Variants in L3MBTL1 observed in about 807,000 individuals in gnomAD.
The protein encoded by L3MBTL1 is L3MBTL histone methyl-lysine binding protein 1.
A neutral mutation model predicts 105.3 loss-of-function variants in L3MBTL1; 75 were observed. The ratio of observed to expected loss-of-function variants is 0.71; its 90% CI spans 0.59 to 0.86. The LOEUF is 0.86. L3MBTL1 is among the 40% of genes least tolerant of loss of function. The probability of loss-of-function intolerance (pLI) is 0.00; values close to 1 mark genes in which losing one functional copy is unlikely to be tolerated. For missense variants in L3MBTL1, 1,069 were observed against 1,126.4 expected, an observed-to-expected ratio of 0.95 and a Z score of 0.73; for synonymous variants, 452 against 436.2, an observed-to-expected ratio of 1.04 and a Z score of -0.45.
chr20:43,522,287 G>A (rs982892526), intron 7 of L3MBTL1, among the ~76,000 whole-genome samples: 4 of 151,886 alleles, frequency 2.6e-5, no homozygotes, highest in African/African-American at 4.8e-5. Flanking sequence ...CCCGTGAACC[G>A]GAGGTTGCAG....
In L3MBTL1 at chr20:43,508,803, T is replaced by TAGTC. The variant is rs2018054668; in HGVS notation, c.-29+1060_-29+1063dup. ...GGAAGAAGAAGCTGAACTGCTGATG[T>TAGTC]AGTCTCAACAGAGGCCTCAGCCTGA... On this transcript the variant is annotated intron_variant, in intron 1 of 21. Coordinates refer to ENST00000418998, the MANE Select transcript of L3MBTL1 (RefSeq NM_001377303.1). 3.3e-5 allele frequency among the ~76,000 whole-genome samples: 5 copies of TAGTC among 152,368 alleles called. No homozygotes were observed. The South Asian group carries it at 1.0e-3, about 32-fold the overall frequency.
Position 43,513,641 on chromosome 20 carries a change from T to TGA in L3MBTL1, c.136+4_136+5dup. 6.4e-7 allele frequency: 1 copy of TGA among 1,550,440 alleles called. No individual in the cohort carries two copies. On this transcript the variant is annotated splice_region_variant and intron_variant, in intron 2 of 21. Transcript: ENST00000418998. ...CCGCAACTGCCTTCATCATTCCAGG[T>TGA]GAGTCAAGCTAGGGTAGGAGTCTGG...
intron 7 of L3MBTL1, chr20:43,523,317 C>T: frequency 4.6e-6 from 1 of 216,072 alleles, no homozygotes; most frequent in South Asian, 8.0e-5. Flanking sequence ...TGCAATTAAA[C>T]CTGGAGACAT....
rs1568926164 is a variant in L3MBTL1 at position 43,534,267 on chromosome 20, AGCT to A, written c.1600-15_1600-13del. ...CTGAGCTGCGCCTTGCCCTGAAGGC[AGCT>A]GTCCCCTCTGCAGCGACCCCCTCAC... On this transcript the variant is annotated splice_polypyrimidine_tract_variant and intron_variant, in intron 14 of 21. Coordinates refer to ENST00000418998, the MANE Select transcript of L3MBTL1 (RefSeq NM_001377303.1). 3.1e-6 allele frequency: 5 copies of A among 1,610,424 alleles called. No homozygotes were observed. Among genetic ancestry groups the A allele is most frequent in the Non-Finnish European group, 4.2e-6 (5 of 1,177,706 alleles).
intron 7 of L3MBTL1, among the ~76,000 whole-genome samples, chr20:43,517,855 T>A (rs2018481984): frequency 6.6e-6 from 1 of 152,224 alleles, no homozygotes; most frequent in South Asian, 2.1e-4. Flanking sequence ...TTTATAGTGC[T>A]TCTTCCAACT....
chr20:43,544,003 A>G (rs1383854941), downstream of L3MBTL1, among the ~76,000 whole-genome samples: 1 of 152,222 alleles, frequency 6.6e-6, no homozygotes, highest in Non-Finnish European at 1.5e-5. Flanking sequence ...TAGGGGAGAC[A>G]GAATTGTAAG....
At chr20:43,530,964 C>A (rs1023746316) in intron 11 of L3MBTL1, 75 bp downstream of exon 11, 69 of 1,233,442 alleles carry the variant, frequency 5.6e-5, no homozygotes, top group Non-Finnish European at 7.6e-5. Context: ...GGGTATCTGA[C>A]TCATCAGAAG....
At chr20:43,537,388 C>T (rs1201385787) in intron 19 of L3MBTL1, among the ~76,000 whole-genome samples, 1 of 152,218 alleles carries the variant, frequency 6.6e-6, no homozygotes, top group Non-Finnish European at 1.5e-5. Flanking sequence ...CATGGTCTTT[C>T]TTCTGTGCAC....
intron 19 of L3MBTL1, 190 bp from the exon 20 acceptor site, chr20:43,539,961 C>G: frequency 3.0e-6 from 2 of 669,220 alleles, no homozygotes; most frequent in Middle Eastern, 3.5e-4. Flanking sequence ...GTCACTTTAC[C>G]AGCAGGAGTG....
chr20:43,523,665 T>G (rs908263699), intron 7 of L3MBTL1: 1 of 179,354 alleles, frequency 5.6e-6, no homozygotes, highest in Admixed American at 5.7e-5. Context: ...GTCAACAAGA[T>G]CTCCTTATCC....
intron 7 of L3MBTL1, among the ~76,000 whole-genome samples, chr20:43,516,492 G>T (rs879792247): frequency 5.3e-5 from 8 of 152,166 alleles, no homozygotes; most frequent in Admixed American, 5.2e-4. Context: ...ACATGTCATT[G>T]CTTCTCTTTA....
chr20:43,535,860 TC>T lies in L3MBTL1; in HGVS notation c.1853del (p.Pro618LeufsTer61). ...PLGPREPSSA[S>X]PGGCPPLSYR... ...AGGACCCAGAGAGCCCAGCTCTGCC[TC>T]CCCTGGGGGCTGTCCCCCTCTCAGC... On this transcript the variant is annotated frameshift_variant, in exon 17 of 22. Transcript: ENST00000418998. LOFTEE classifies it high-confidence loss of function. The T allele has an allele frequency of 6.2e-7, 1 of 1,603,020 alleles. No individual in the cohort carries two copies. Among genetic ancestry groups the T allele is most frequent in the Non-Finnish European group, 8.5e-7 (1 of 1,175,192 alleles).
At chr20:43,509,292 A>G (rs901267306) in intron 1 of L3MBTL1, among the ~76,000 whole-genome samples, 1 of 150,652 alleles carries the variant, frequency 6.6e-6, no homozygotes, top group East Asian at 1.9e-4. Flanking sequence ...TGGTGTGATC[A>G]TAGCTCACTG....
chr20:43,529,444 A>G (rs2019212637), intron 9 of L3MBTL1, 76 bp downstream of exon 9: 2 of 982,140 alleles, frequency 2.0e-6, no homozygotes, highest in Non-Finnish European at 3.2e-6. Flanking sequence ...GGGACATAGA[A>G]GGAAACACCT....
Position 43,523,073 on chromosome 20 carries a change from C to CTCCA in L3MBTL1, c.863-5583_863-5580dup, listed in dbSNP as rs887281785. Among the ~76,000 whole-genome samples, 293 of 151,998 alleles carry CTCCA rather than the reference C, an allele frequency of 1.9e-3. 2 individuals carry two copies. The highest frequency in any genetic ancestry group is 7.0e-3 in the African/African-American group (290 of 41,442). The stretch of plus-strand genomic sequence containing the variant: ...CAGTGAGCCGAGATCCGCCACTGCA[C>CTCCA]TCCAGCCTGGGTGACAGAGTGAGAC... On this transcript the variant is annotated intron_variant, in intron 7 of 21. Transcript: ENST00000418998.
At chr20:43,535,791 C>G in intron 16 of L3MBTL1, 46 bp from the exon 17 acceptor site, 2 of 1,305,636 alleles carry the variant, frequency 1.5e-6, no homozygotes, top group Middle Eastern at 4.0e-4. Context: ...CCCACACTCC[C>G]CACCCCCAGG....
In L3MBTL1 at chr20:43,529,248, C is replaced by T. The variant is rs908828781; in HGVS notation, c.952-16C>T. The stretch of plus-strand genomic sequence containing the variant: ...CTGGATGGAAGCTGGGTCCTCTCCA[C>T]TCTGTGCGTTGACAGTCCCAGGCAG... On this transcript the variant is annotated splice_polypyrimidine_tract_variant and intron_variant, in intron 8 of 21. Transcript: ENST00000418998. 6.3e-7 allele frequency: 1 copy of T among 1,592,614 alleles called. No individual in the cohort carries two copies. Among genetic ancestry groups the T allele is most frequent in the East Asian group, 2.2e-5 (1 of 44,468 alleles).
intron 7 of L3MBTL1, among the ~76,000 whole-genome samples, chr20:43,522,626 C>A (rs879370068): frequency 6.6e-6 from 1 of 150,682 alleles, no homozygotes; most frequent in African/African-American, 2.4e-5. Flanking sequence ...GCGCACACCA[C>A]CGTGCCTGGC....
intron 7 of L3MBTL1, among the ~76,000 whole-genome samples, chr20:43,521,963 T>G (rs988109561): frequency 6.6e-6 from 1 of 152,242 alleles, no homozygotes; most frequent in African/African-American, 2.4e-5. Context: ...CTAAATATCA[T>G]AAGAGATTTT....
Sources: gnomAD v4.1 joint callset for allele counts (sites outside exome capture counted in the v4.1 genomes callset) on GRCh38, gnomAD v4.1.1 for gene constraint, MANE v1.5 for transcripts, NCBI Gene and HGNC (gene_info 2026-07-23, HGNC 2026-07-21) for gene names.